Variants in MAP4K3 observed in about 807,000 individuals in gnomAD.
The protein encoded by MAP4K3 is mitogen-activated protein kinase kinase kinase kinase 3.
A neutral mutation model predicts 143.5 loss-of-function variants in MAP4K3; 94 were observed. The ratio of observed to expected loss-of-function variants is 0.65; its 90% CI spans 0.55 to 0.78. The LOEUF (loss-of-function observed/expected upper bound fraction) is 0.78. MAP4K3 is among the 30% of genes least tolerant of loss of function. MAP4K3 has a pLI of 0.00. For synonymous variants in MAP4K3, 416 were observed against 347.2 expected (o/e 1.20, Z -2.20); for missense variants, 1,077 against 1,068.1 (o/e 1.01, Z -0.12).
intron 1 of MAP4K3, among the ~76,000 whole-genome samples, chr2:39,425,816 G>C (rs561499718): frequency 1.1e-4 from 17 of 152,094 alleles, no homozygotes; most frequent in Non-Finnish European, 1.9e-4. Context: ...AAGAATCCAT[G>C]AGCCAAAAAA....
intron 12 of MAP4K3, among the ~76,000 whole-genome samples, chr2:39,321,783 A>G (rs1321283954): frequency 6.6e-6 from 1 of 152,242 alleles, no homozygotes; most frequent in Admixed American, 6.5e-5. Flanking sequence ...ACTGGTTTGT[A>G]AAGCATTGAG....
intron 21 of MAP4K3, 80 bp from the exon 22 acceptor site, chr2:39,282,634 T>A: frequency 2.2e-6 from 2 of 905,420 alleles, no homozygotes; most frequent in Non-Finnish European, 3.6e-6. Flanking sequence ...ACACATTTAT[T>A]CAAATAAAAT....
At chr2:39,410,480 A>T (rs1424085463) in intron 1 of MAP4K3, among the ~76,000 whole-genome samples, 1 of 152,218 alleles carries the variant, frequency 6.6e-6, no homozygotes, top group Non-Finnish European at 1.5e-5. Context: ...CTTTGCTAAT[A>T]CATTATAATA....
intron 31 of MAP4K3, among the ~76,000 whole-genome samples, chr2:39,256,380 CAT>C (rs751847243): frequency 7.9e-5 from 12 of 152,094 alleles, no homozygotes; most frequent in Admixed American, 2.0e-4. Context: ...GATCATTAAA[CAT>C]ATTTTTAACA....
chr2:39,272,079 A>C (rs1681048918), intron 26 of MAP4K3: 1 of 400,742 alleles, frequency 2.5e-6, no homozygotes, highest in African/African-American at 2.1e-5. Flanking sequence ...CAGAGAGAAA[A>C]TGTCTGATAT....
intron 8 of MAP4K3, among the ~76,000 whole-genome samples, chr2:39,326,549 T>A (rs2148516441): frequency 6.6e-6 from 1 of 152,274 alleles, no homozygotes; most frequent in East Asian, 1.9e-4. Flanking sequence ...GGATTTGGAC[T>A]TCTGGGTTAA....
At chr2:39,373,896 G>A (rs1051841021) in intron 2 of MAP4K3, among the ~76,000 whole-genome samples, 10 of 152,032 alleles carry the variant, frequency 6.6e-5, no homozygotes, top group African/African-American at 2.4e-4. Flanking sequence ...GCACAACAGG[G>A]TGACTTTAGT....
At position 39,307,960 on chromosome 2, in the gene MAP4K3, T is replaced by C. The variant is rs2148497183; in HGVS notation, c.1102A>G (p.Thr368Ala). Residue 368 changes from threonine to alanine, a missense_variant, in exon 15 of 34, where the codon ACT (threonine) becomes GCT (alanine). By Grantham distance (58) the Thr-to-Ala change is moderately conservative (BLOSUM62 0). This residue lies in a region of MAP4K3 where 864 missense variants were observed against 801.2 expected (regional missense o/e 1.08). Transcript: ENST00000263881. ...FLDSSEEIYY[T>A]ARSNLDLQLE... Reference sequence around the variant, plus strand: ...AGAAATACCAGATTAGATCTTGCAGTGTAGTATATTTCTTCTGAACTGTCC... The same window carrying C: ...AGAAATACCAGATTAGATCTTGCAGCGTAGTATATTTCTTCTGAACTGTCC... 1 of 1,589,232 alleles carries C rather than the reference T, an allele frequency of 6.3e-7. No individual in the cohort carries two copies. The highest frequency in any genetic ancestry group is 8.6e-7 in the Non-Finnish European group (1 of 1,168,438).
chr2:39,262,563 A>T (rs988358927), intron 28 of MAP4K3, among the ~76,000 whole-genome samples: 2 of 151,664 alleles, frequency 1.3e-5, no homozygotes, highest in Non-Finnish European at 2.9e-5. Context: ...ACAACGCTTT[A>T]AAAAAAAACA....
intron 1 of MAP4K3, among the ~76,000 whole-genome samples, chr2:39,396,635 G>A (rs540741211): frequency 6.6e-6 from 1 of 151,940 alleles, no homozygotes; most frequent in South Asian, 2.1e-4. Context: ...CACTACGCCC[G>A]GCTAATTTTT....
chr2:39,251,474 C>T (rs1165477059), intron 33 of MAP4K3, among the ~76,000 whole-genome samples: 5 of 152,198 alleles, frequency 3.3e-5, no homozygotes, highest in African/African-American at 9.6e-5. Context: ...ATAATCTCTC[C>T]CACCACCCTG....
In MAP4K3 at chr2:39,370,521, C is replaced by CA. The variant is rs377353076; in HGVS notation, c.154+7544dup. ...AGAAAAAACTAATGTCAAAGGCTGGCAGGAGAGAATATTCCATAACATTTA... is the reference window on the plus strand; with the variant it reads ...AGAAAAAACTAATGTCAAAGGCTGGCAAGGAGAGAATATTCCATAACATTTA... On this transcript the variant is annotated intron_variant, in intron 2 of 33. Coordinates refer to ENST00000263881, the MANE Select transcript of MAP4K3 (RefSeq NM_003618.4). Among the ~76,000 whole-genome samples the CA allele has an allele frequency of 6.0e-3, 920 of 152,238 alleles. 9 individuals are homozygous for CA. Among genetic ancestry groups the CA allele is most frequent in the African/African-American group, 0.021 (882 of 41,532 alleles).
chr2:39,300,912 G>C (rs146162916), intron 15 of MAP4K3, among the ~76,000 whole-genome samples: 1 of 152,130 alleles, frequency 6.6e-6, no homozygotes, highest in Non-Finnish European at 1.5e-5. Flanking sequence ...TACAGCCTAC[G>C]GTCTAGCATT....
intron 1 of MAP4K3, among the ~76,000 whole-genome samples, chr2:39,396,943 C>T (rs568047984): frequency 3.3e-5 from 5 of 152,234 alleles, no homozygotes; most frequent in African/African-American, 1.2e-4. Flanking sequence ...AGACCATTTG[C>T]TTTTGAATCA....
At chr2:39,261,054 T>C (rs952532139) in intron 28 of MAP4K3, 1 of 273,956 alleles carries the variant, frequency 3.7e-6, no homozygotes, top group South Asian at 5.2e-5. Context: ...AGTTGGAACC[T>C]GGGGCCCAGG....
rs559663359 is a variant in MAP4K3 at position 39,363,775 on chromosome 2, G to A, written c.155-7436C>T. Among the ~76,000 whole-genome samples, 30 of 149,442 alleles carry A rather than the reference G, an allele frequency of 2.0e-4. No individual in the cohort carries two copies. The South Asian group carries it at 2.8e-3, about 14-fold the overall frequency. ...TACATATGCATCAGAATACCATGTT[G>A]TAAACTGTAAACAAACAGTATACAA... On this transcript the variant is annotated intron_variant, in intron 2 of 33. Coordinates refer to ENST00000263881, the MANE Select transcript of MAP4K3 (RefSeq NM_003618.4).
chr2:39,390,172 G>C (rs1666613646), intron 1 of MAP4K3, among the ~76,000 whole-genome samples: 1 of 152,092 alleles, frequency 6.6e-6, no homozygotes, highest in African/African-American at 2.4e-5. Flanking sequence ...TTTACATTTT[G>C]GGTTGTCTCA....
chr2:39,398,125 C>T (rs531913076), intron 1 of MAP4K3, among the ~76,000 whole-genome samples: 7 of 152,134 alleles, frequency 4.6e-5, no homozygotes, highest in Admixed American at 2.6e-4. Context: ...TAGCAAACAC[C>T]CTTCTAGGAA....
Position 39,315,923 on chromosome 2 carries a change from T to C in MAP4K3, c.919-535A>G, listed in dbSNP as rs577838393. Among the ~76,000 whole-genome samples, 8 of 152,310 alleles carry C rather than the reference T, an allele frequency of 5.3e-5. No homozygotes were observed. In the East Asian group the frequency reaches 1.5e-3, roughly 29 times the overall value. On this transcript the variant is annotated intron_variant, in intron 12 of 33. Transcript: ENST00000263881. ...ACTACACACAGACATTTATAGATGA[T>C]GTAGGATATTAGTTTGTGTTTCACT...
Sources: gnomAD v4.1 joint callset for allele counts (sites outside exome capture counted in the v4.1 genomes callset) on GRCh38, gnomAD v4.1.1 for gene constraint, gnomAD v4.1.1 regional missense constraint, MANE v1.5 for transcripts, NCBI Gene and HGNC (gene_info 2026-07-23, HGNC 2026-07-21) for gene names.